The following GPS1 variants were observed in gnomAD, a reference collection of about 807,000 sequenced individuals.
The protein encoded by GPS1 is COP9 signalosome complex subunit 1.
In GPS1, 11 loss-of-function variants were observed where a neutral mutation model predicts 60.0. That is an observed-to-expected ratio of 0.18 (90% CI 0.12 to 0.30). GPS1 has a LOEUF of 0.30. Among genes scored for constraint, GPS1 ranks in the 10% least tolerant of loss-of-function variants. The pLI is 1.00. For synonymous variants in GPS1, 343 were observed against 269.8 expected, an observed-to-expected ratio of 1.27 and a Z score of -2.66; for missense variants, 543 against 669.2, an observed-to-expected ratio of 0.81 and a Z score of 2.08.
intron 1 of GPS1, 65 bp from the exon 2 acceptor site, chr17:82,053,209 C>A (rs756604967): frequency 2.3e-6 from 3 of 1,299,484 alleles, no homozygotes; most frequent in Non-Finnish European, 3.1e-6. Context: ...GAGAACAGTG[C>A]GGGTCTCTCG....
intron 6 of GPS1, 167 bp downstream of exon 6, chr17:82,055,389 C>A: frequency 1.4e-6 from 1 of 730,148 alleles, no homozygotes; most frequent in Non-Finnish European, 2.4e-6. Context: ...AAGTCTGCCC[C>A]GGGGAAGCCA....
intron 1 of GPS1, chr17:82,052,824 T>G (rs1244673715): frequency 3.1e-6 from 1 of 321,556 alleles, no homozygotes; most frequent in African/African-American, 2.1e-5. Context: ...AGCCCAGTAT[T>G]GCTGCTCCGC....
intron 12 of GPS1, 34 bp downstream of exon 12, chr17:82,057,008 G>A (rs373638040): frequency 4.7e-5 from 76 of 1,611,784 alleles, no homozygotes; most frequent in South Asian, 5.5e-5. Context: ...GGCGCACGGC[G>A]TGTGGGGCCT....
intron 1 of GPS1, 170 bp from the exon 2 acceptor site, chr17:82,053,104 G>A: frequency 2.2e-6 from 1 of 450,410 alleles, no homozygotes; most frequent in Non-Finnish European, 3.9e-6. Context: ...GAGCCTGGGT[G>A]GGGGCGGGGG....
intron 1 of GPS1, 182 bp downstream of exon 1, chr17:82,052,146 T>C: frequency 9.5e-7 from 1 of 1,047,972 alleles, no homozygotes; most frequent in South Asian, 1.9e-5. Flanking sequence ...CCGCCGTGGC[T>C]GCGCGCTGCG....
chr17:82,051,297 C>A, upstream of GPS1: 1 of 1,415,664 alleles, frequency 7.1e-7, no homozygotes, highest in Non-Finnish European at 9.2e-7. This position sits in a 1 kb window ranked among gnomAD's most constrained non-coding sequence, Gnocchi z 4.1. Flanking sequence ...CACTCACCGC[C>A]CTGGAGCTCG....
At chr17:82,056,189 C>A in intron 8 of GPS1, 94 bp downstream of exon 8, 1 of 1,369,772 alleles carries the variant, frequency 7.3e-7, no homozygotes, top group Non-Finnish European at 1.0e-6. Flanking sequence ...CTGGCCCCAG[C>A]GTTTTCTCAG....
chr17:82,055,835 C>A lies in GPS1; in HGVS notation c.834+10C>A. ...CTGTGACTTCCCTGAGGTGAGGAGCCCTCTGGGGACTTGGGAGGCAGAGCA... is the reference window on the plus strand; with the variant it reads ...CTGTGACTTCCCTGAGGTGAGGAGCACTCTGGGGACTTGGGAGGCAGAGCA... On this transcript the variant is annotated intron_variant, in intron 7 of 12. Transcript: ENST00000578552. 6.4e-7 allele frequency: 1 copy of A among 1,558,550 alleles called. No individual in the cohort carries two copies. The highest frequency in any genetic ancestry group is 8.7e-7 in the Non-Finnish European group (1 of 1,149,970).
intron 1 of GPS1, chr17:82,052,551 C>CTGGGCCCCTGCTGCT: frequency 6.9e-7 from 1 of 1,449,240 alleles, no homozygotes; most frequent in Non-Finnish European, 9.3e-7. Context: ...GCTCTGCTGG[C>CTGGGCCCCTGCTGCT]CGAGGACAGG....
At chr17:82,052,139 C>G (rs2144295081) in intron 1 of GPS1, 175 bp downstream of exon 1, 1 of 999,136 alleles carries the variant, frequency 1.0e-6, no homozygotes, top group Admixed American at 3.9e-5. Context: ...CGCGTCTCCG[C>G]CGTGGCTGCG....
Position 82,055,710 on chromosome 17 carries a change from C to T in GPS1, c.749-30C>T, listed in dbSNP as rs745321677. On this transcript the variant is annotated intron_variant, in intron 6 of 12. Coordinates refer to ENST00000578552, the MANE Select transcript of GPS1 (RefSeq NM_001321092.3). ...GGCTCTGGGGTCTTACCCCCTCTCC[C>T]CCCTCCCCGCCCCCGGCTCCTTCCA... 1.1e-5 allele frequency: 16 copies of T among 1,457,170 alleles called. No homozygotes were observed. In the South Asian group the frequency reaches 1.7e-4, roughly 16 times the overall value. The allele number at this position is 1,457,170 out of a possible 1,614,324, so 90.3% of individuals were successfully genotyped here.
Position 82,055,771 on chromosome 17 carries a change from G to A in GPS1, c.780G>A (p.Lys260=), listed in dbSNP as rs983151708. Residue 260 remains lysine, a synonymous_variant, in exon 7 of 13, where the codon AAG becomes AAA. Coordinates refer to ENST00000578552, the MANE Select transcript of GPS1 (RefSeq NM_001321092.3). ...CAGAGCTGGCCGCCAGGAAGTACAAGCAGGCTGCCAAGTGCCTCCTGCTGG... is the reference window on the plus strand; with the variant it reads ...CAGAGCTGGCCGCCAGGAAGTACAAACAGGCTGCCAAGTGCCTCCTGCTGG... ...GLAELAARKY[K]QAAKCLLLAS... is the part of the protein sequence containing the mutation. The A allele has an allele frequency of 1.3e-6, 2 of 1,555,792 alleles. No homozygotes were observed. Among genetic ancestry groups the A allele is most frequent in the African/African-American group, 1.4e-5 (1 of 73,620 alleles).
Position 82,056,677 on chromosome 17 carries a change from T to G in GPS1, c.1165T>G (p.Phe389Val). The G allele has an allele frequency of 6.2e-7, 1 of 1,601,448 alleles. No individual in the cohort carries two copies. The highest frequency in any genetic ancestry group is 8.5e-7 in the Non-Finnish European group (1 of 1,173,044). ...CGACATGCATAGGATGGCGGCAGCCTTCAATACCACGGTGGCCGCCCTGGA... is the reference window on the plus strand; with the variant it reads ...CGACATGCATAGGATGGCGGCAGCCGTCAATACCACGGTGGCCGCCCTGGA... ...SADMHRMAAA[F>V]NTTVAALEDE... The change falls in exon 11 of 13, where the codon TTC (phenylalanine) becomes GTC (valine). Residue 389 changes from phenylalanine to valine, a missense_variant. Coordinates refer to ENST00000578552, the MANE Select transcript of GPS1 (RefSeq NM_001321092.3).
upstream of GPS1, chr17:82,051,855 G>C: frequency 3.5e-6 from 4 of 1,150,220 alleles, no homozygotes; most frequent in Non-Finnish European, 3.2e-6. This position sits in a 1 kb window ranked among gnomAD's most constrained non-coding sequence, Gnocchi z 4.1. Flanking sequence ...CAGCGGCCCC[G>C]CCCCGCCCCG....
At chr17:82,052,213 A>C in intron 1 of GPS1, 2 of 1,493,894 alleles carry the variant, frequency 1.3e-6, no homozygotes, top group East Asian at 2.4e-5. Flanking sequence ...CTCACGGGAG[A>C]GGTTCCCGGC....
At position 82,056,061 on chromosome 17, in the gene GPS1, C is replaced by A; in HGVS notation, c.895C>A (p.Arg299=). Residue 299 remains arginine, a synonymous_variant, in exon 8 of 13, where the codon CGG becomes AGG. Transcript: ENST00000578552. ...GGLCALATFD[R]QELQRNVISS... ...CCTGTGCGCCTTGGCTACCTTTGAC[C>A]GGCAGGAGCTGCAGCGCAATGTCAT... is the stretch of plus-strand genomic sequence containing the variant. The A allele has an allele frequency of 6.2e-7, 1 of 1,612,644 alleles. No homozygotes were observed. Among genetic ancestry groups the A allele is most frequent in the Non-Finnish European group, 8.5e-7 (1 of 1,179,872 alleles).
chr17:82,052,421 C>CT, intron 1 of GPS1: 2 of 1,611,588 alleles, frequency 1.2e-6, no homozygotes, highest in Non-Finnish European at 1.7e-6. Context: ...GGACTTCAGC[C>CT]TGAGCGCCAG....
In GPS1 at chr17:82,051,948, A is replaced by G. The variant is rs2144273403; in HGVS notation, c.17A>G (p.Gln6Arg). Reference protein sequence around the residue: MPLPVQVFNLQGAVEP... With the variant: MPLPVRVFNLQGAVEP... ...GGGTGCAAGATGCCGCTGCCGGTTC[A>G]GGTGTTTAACTTGCAGGTAACGAGC... The change falls in exon 1 of 13, where the codon CAG becomes CGG. Residue 6 changes from glutamine to arginine, a missense_variant. Gln to Arg is a conservative substitution (Grantham distance 43). Transcript: ENST00000578552. The surrounding 1 kb of genome is among the most constrained non-coding windows in gnomAD (Gnocchi z 4.1). 2.6e-6 allele frequency: 3 copies of G among 1,164,506 alleles called. No individual in the cohort carries two copies. The highest frequency in any genetic ancestry group is 3.8e-5 in the East Asian group (1 of 26,142). The allele number at this position is 1,164,506 out of a possible 1,614,324, so 72.1% of individuals were successfully genotyped here. A position where few individuals can be genotyped will look rare whatever the true frequency, so the allele number is the denominator to read the frequency against.
intron 2 of GPS1, 27 bp downstream of exon 2, chr17:82,053,393 G>T (rs755696672): frequency 1.1e-5 from 16 of 1,436,482 alleles, no homozygotes; most frequent in Non-Finnish European, 1.5e-5. Context: ...GGGGACCTTG[G>T]GTGTCTCAGT....
Sources: allele counts gnomAD v4.1 joint callset, GRCh38; gene constraint gnomAD v4.1.1; non-coding constraint Gnocchi (gnomAD v3.1); transcripts MANE v1.5; gene names NCBI Gene and HGNC (gene_info 2026-07-23, HGNC 2026-07-21).